Variants in GTF2A1 observed in about 807,000 individuals in gnomAD.
GTF2A1 encodes the protein transcription initiation factor IIA subunit 1.
Under a neutral mutation model 54.1 loss-of-function variants are expected in GTF2A1, and 12 were observed. The observed-to-expected ratio is 0.22, with a 90% CI of 0.14 to 0.36. The LOEUF is 0.36. Ranked by LOEUF, GTF2A1 falls within the 10% of genes least tolerant of loss-of-function variation. The probability of loss-of-function intolerance (pLI) is 1.00; values close to 1 mark genes in which losing one functional copy is unlikely to be tolerated. For synonymous variants in GTF2A1, 145 were observed against 152.0 expected, an observed-to-expected ratio of 0.95 and a Z score of 0.34; for missense variants, 335 against 442.2, an observed-to-expected ratio of 0.76 and a Z score of 2.17.
intron 5 of GTF2A1, 192 bp downstream of exon 5, chr14:81,197,215 CTT>C: frequency 2.1e-6 from 1 of 474,318 alleles, no homozygotes; most frequent in Non-Finnish European, 3.9e-6. Context: ...CAATTTTCAT[CTT>C]CTTTACTGTA....
intron 1 of GTF2A1, among the ~76,000 whole-genome samples, chr14:81,218,637 A>G (rs983301285): frequency 6.6e-6 from 1 of 152,124 alleles, no homozygotes; most frequent in Non-Finnish European, 1.5e-5. Context: ...TTCAAACTTA[A>G]GAACTGGTAA....
intron 8 of GTF2A1, among the ~76,000 whole-genome samples, chr14:81,183,499 A>G (rs1892680135): frequency 6.6e-6 from 1 of 152,226 alleles, no homozygotes; most frequent in African/African-American, 2.4e-5. Context: ...CACAGTCAAC[A>G]CTGAAGTCAT....
At chr14:81,199,712 A>C (rs986609982) in intron 4 of GTF2A1, among the ~76,000 whole-genome samples, 3 of 150,216 alleles carry the variant, frequency 2.0e-5, no homozygotes, top group African/African-American at 7.3e-5. Flanking sequence ...GATTTGTTTA[A>C]ATACATATGC....
intron 2 of GTF2A1, among the ~76,000 whole-genome samples, chr14:81,215,968 C>T (rs1299835724): frequency 6.6e-6 from 1 of 152,138 alleles, no homozygotes; most frequent in Non-Finnish European, 1.5e-5. Flanking sequence ...TGCAGTAAGT[C>T]CAGATTGTGC....
chr14:81,202,233 T>G (rs1453976227), intron 3 of GTF2A1, among the ~76,000 whole-genome samples: 1 of 152,180 alleles, frequency 6.6e-6, no homozygotes, highest in Non-Finnish European at 1.5e-5. Flanking sequence ...CATTCTTAAG[T>G]AAACTGGACA....
chr14:81,197,339 C>G, intron 5 of GTF2A1, 70 bp downstream of exon 5: 2 of 762,072 alleles, frequency 2.6e-6, no homozygotes, highest in Non-Finnish European at 4.3e-6. Flanking sequence ...TCAAAGAAGA[C>G]AAAACCTAAG....
intron 2 of GTF2A1, among the ~76,000 whole-genome samples, chr14:81,205,840 T>C (rs1893217312): frequency 6.6e-6 from 1 of 152,232 alleles, no homozygotes; most frequent in Admixed American, 6.5e-5. Context: ...GATTCATCTC[T>C]GTAAAGTAGG....
At position 81,183,694 on chromosome 14, in the gene GTF2A1, C is replaced by T. The variant is rs539667236; in HGVS notation, c.1023+1837G>A. ...GTTTACCTACATCTGATGCTATTTT[C>T]GCTAAATGCTGTATCAGCCCTTATC... is the stretch of plus-strand genomic sequence containing the variant. On this transcript the variant is annotated intron_variant, in intron 8 of 8. Transcript: ENST00000553612. 6.9e-4 allele frequency among the ~76,000 whole-genome samples: 105 copies of T among 152,264 alleles called. 1 individual carries two copies. Among genetic ancestry groups the T allele is most frequent in the South Asian group, 2.7e-3 (13 of 4,828 alleles).
intron 2 of GTF2A1, among the ~76,000 whole-genome samples, chr14:81,205,315 C>G (rs1473839004): frequency 6.6e-5 from 10 of 152,098 alleles, no homozygotes; most frequent in Non-Finnish European, 1.5e-4. Context: ...TCCAGACATT[C>G]TAGATTTGTT....
chr14:81,182,662 T>G (rs1208082418), intron 8 of GTF2A1, among the ~76,000 whole-genome samples: 1 of 152,226 alleles, frequency 6.6e-6, no homozygotes, highest in Non-Finnish European at 1.5e-5. Flanking sequence ...TATTATGCTC[T>G]CTACAAAGAA....
chr14:81,213,454 C>T (rs1353569896), intron 2 of GTF2A1, among the ~76,000 whole-genome samples: 3 of 152,074 alleles, frequency 2.0e-5, no homozygotes, highest in Non-Finnish European at 4.4e-5. Flanking sequence ...ACTAGTTTGA[C>T]CTAGAGAAAA....
intron 6 of GTF2A1, 110 bp downstream of exon 6, chr14:81,195,998 G>T: frequency 1.1e-6 from 1 of 914,964 alleles, no homozygotes; most frequent in Non-Finnish European, 1.7e-6. Flanking sequence ...AACTGGGTCT[G>T]TAGCACTGAA....
intron 7 of GTF2A1, among the ~76,000 whole-genome samples, chr14:81,187,859 G>T (rs1166263843): frequency 6.6e-6 from 1 of 152,060 alleles, no homozygotes; most frequent in Non-Finnish European, 1.5e-5. Context: ...GGAACTGCTG[G>T]GTCATATGGA....
rs1306399692 is a variant in GTF2A1 at position 81,178,941 on chromosome 14, G to A, written c.*1282C>T. 2 of 152,126 alleles carry A rather than the reference G, an allele frequency of 1.3e-5. No individual in the cohort carries two copies. The highest frequency in any genetic ancestry group is 4.8e-5 in the African/African-American group (2 of 41,416). 9.4% of individuals were successfully genotyped at this position (152,126 alleles called of 1,614,324 possible). On this transcript the variant is annotated 3_prime_UTR_variant, in exon 9 of 9. Coordinates refer to ENST00000553612, the MANE Select transcript of GTF2A1 (RefSeq NM_015859.4). ...TCTTCAGAGCCCCTTACAGAATACA[G>A]ACCTATGCATTCTTAATATACATAT... is the stretch of plus-strand genomic sequence containing the variant.
chr14:81,206,770 T>C (rs1823114847), intron 2 of GTF2A1, among the ~76,000 whole-genome samples: 1 of 152,028 alleles, frequency 6.6e-6, no homozygotes. Context: ...CCTCTCTCCT[T>C]CTCTCCCTTT....
intron 2 of GTF2A1, among the ~76,000 whole-genome samples, chr14:81,211,857 T>TA (rs1402915810): frequency 2.5e-5 from 3 of 121,308 alleles, no homozygotes; most frequent in African/African-American, 3.4e-5. Flanking sequence ...TACACATAAT[T>TA]AGAGTGTATC....
At chr14:81,202,619 G>A (rs1315927365) in intron 3 of GTF2A1, 4 of 507,622 alleles carry the variant, frequency 7.9e-6, no homozygotes, top group Non-Finnish European at 1.6e-5. Context: ...GTTGCCTGAA[G>A]AGTGGTAAAC....
intron 3 of GTF2A1, chr14:81,202,729 A>G (rs1450343885): frequency 1.9e-6 from 1 of 518,672 alleles, no homozygotes; most frequent in Non-Finnish European, 3.8e-6. Context: ...GAGAACAGAT[A>G]ACTCCATTAT....
chr14:81,203,439 G>C (rs1893157577), intron 3 of GTF2A1, among the ~76,000 whole-genome samples: 1 of 152,146 alleles, frequency 6.6e-6, no homozygotes, highest in Admixed American at 6.5e-5. Context: ...ACTCCAGAAT[G>C]TAAGATATAT....
Sources: gnomAD v4.1 joint callset for allele counts (sites outside exome capture counted in the v4.1 genomes callset) on GRCh38, gnomAD v4.1.1 for gene constraint, MANE v1.5 for transcripts, NCBI Gene and HGNC (gene_info 2026-07-23, HGNC 2026-07-21) for gene names.